Variants in GALNT17 observed in about 807,000 individuals in gnomAD.
GALNT17 encodes polypeptide N-acetylgalactosaminyltransferase 17, also known as UDP-GalNAc:polypeptide N-acetylgalactosaminyltransferase-like 3.
In GALNT17, 29 loss-of-function variants were observed where a neutral mutation model predicts 63.7. The ratio of observed to expected loss-of-function variants is 0.46; its 90% CI spans 0.34 to 0.62. The LOEUF is 0.62. Ranked by LOEUF, GALNT17 falls within the 20% of genes least tolerant of loss-of-function variation. The pLI is 0.01. For synonymous variants in GALNT17, 305 were observed against 318.3 expected, an observed-to-expected ratio of 0.96 and a Z score of 0.45; for missense variants, 603 against 799.6, an observed-to-expected ratio of 0.75 and a Z score of 2.97.
chr7:71,299,759 T>TA (rs1444966764), intron 1 of GALNT17, among the ~76,000 whole-genome samples: 1 of 151,986 alleles, frequency 6.6e-6, no homozygotes, highest in Non-Finnish European at 1.5e-5. Flanking sequence ...TGTTTCTTTT[T>TA]ATTATTACAA....
intron 6 of GALNT17, among the ~76,000 whole-genome samples, chr7:71,584,124 T>G (rs1319552213): frequency 6.6e-6 from 1 of 152,162 alleles, no homozygotes; most frequent in Non-Finnish European, 1.5e-5. Context: ...AGAGCCAGAC[T>G]GGGTCTCAAA....
At chr7:71,445,344 A>G (rs771391310) in intron 5 of GALNT17, among the ~76,000 whole-genome samples, 2 of 150,928 alleles carry the variant, frequency 1.3e-5, no homozygotes, top group Non-Finnish European at 3.0e-5. Context: ...ACGCCCGGCT[A>G]ATTTTTGTAT....
intron 3 of GALNT17, among the ~76,000 whole-genome samples, chr7:71,402,389 T>C (rs998923084): frequency 2.0e-5 from 3 of 152,254 alleles, no homozygotes; most frequent in Admixed American, 2.0e-4. Context: ...AGCCCACAGC[T>C]AAATTACAGT....
chr7:71,531,229 A>C (rs1237945445), intron 5 of GALNT17, among the ~76,000 whole-genome samples: 1 of 152,176 alleles, frequency 6.6e-6, no homozygotes, highest in Non-Finnish European at 1.5e-5. Flanking sequence ...TCCATTATGC[A>C]TCAATTAAAA....
At chr7:71,467,335 T>G (rs1787553192) in intron 5 of GALNT17, among the ~76,000 whole-genome samples, 1 of 152,178 alleles carries the variant, frequency 6.6e-6, no homozygotes, top group South Asian at 2.1e-4. Flanking sequence ...TACCATGTTA[T>G]AGATCAATAG....
chr7:71,573,363 C>T (rs1789483847), intron 6 of GALNT17, among the ~76,000 whole-genome samples: 2 of 151,524 alleles, frequency 1.3e-5, no homozygotes, highest in African/African-American at 4.9e-5. Context: ...AGTAGTCTTG[C>T]TCTGTCGCCC....
intron 6 of GALNT17, among the ~76,000 whole-genome samples, chr7:71,579,752 G>C (rs965906038): frequency 6.6e-5 from 10 of 152,306 alleles, no homozygotes; most frequent in African/African-American, 2.4e-4. Context: ...CAACCATCAA[G>C]GTGGGGCCCA....
At chr7:71,549,016 G>A (rs1789031363) in intron 5 of GALNT17, among the ~76,000 whole-genome samples, 1 of 152,158 alleles carries the variant, frequency 6.6e-6, no homozygotes, top group Non-Finnish European at 1.5e-5. Context: ...GGGGGTTATG[G>A]ATAGGAATGC....
chr7:71,133,572 T>C (rs930713869), intron 1 of GALNT17, among the ~76,000 whole-genome samples: 3 of 152,090 alleles, frequency 2.0e-5, no homozygotes, highest in African/African-American at 7.2e-5. Flanking sequence ...GCTGCTCAGC[T>C]AAGAATGAGG....
intron 9 of GALNT17, among the ~76,000 whole-genome samples, chr7:71,679,823 G>A (rs994982731): frequency 3.3e-5 from 5 of 151,940 alleles, no homozygotes; most frequent in Non-Finnish European, 7.4e-5. Flanking sequence ...GAGTTTTTGG[G>A]TCAGATCTCC....
chr7:71,284,411 G>C (rs1790834946), intron 1 of GALNT17: 1 of 152,296 alleles, frequency 6.6e-6, no homozygotes. Context: ...GGCCAGGCTG[G>C]TCTTGAACTC....
chr7:71,307,069 C>T (rs1403767321), intron 1 of GALNT17, among the ~76,000 whole-genome samples: 1 of 152,092 alleles, frequency 6.6e-6, no homozygotes, highest in African/African-American at 2.4e-5. Flanking sequence ...AGTGATCTGC[C>T]CACCTTGGCC....
chr7:71,230,328 G>A (rs555538598), intron 1 of GALNT17, among the ~76,000 whole-genome samples: 4 of 152,202 alleles, frequency 2.6e-5, no homozygotes, highest in Non-Finnish European at 4.4e-5. Context: ...GGAAGGAGCT[G>A]CCATTGCATG....
chr7:71,504,605 G>A (rs1788235846), intron 5 of GALNT17, among the ~76,000 whole-genome samples: 1 of 151,864 alleles, frequency 6.6e-6, no homozygotes, highest in Non-Finnish European at 1.5e-5. Flanking sequence ...TTTTTACCTA[G>A]TTTACTTATT....
intron 10 of GALNT17, 57 bp downstream of exon 10, chr7:71,710,985 A>C: frequency 6.3e-7 from 1 of 1,577,584 alleles, no homozygotes. Context: ...GCTGCAGACC[A>C]CAGAGGGGAA....
At chr7:71,637,054 T>C (rs985193194) in intron 6 of GALNT17, among the ~76,000 whole-genome samples, 3 of 152,188 alleles carry the variant, frequency 2.0e-5, no homozygotes, top group African/African-American at 4.8e-5. Context: ...ATCTGTAAAA[T>C]GGGCAGCACA....
At chr7:71,515,708 C>A (rs940797461) in intron 5 of GALNT17, among the ~76,000 whole-genome samples, 4 of 152,076 alleles carry the variant, frequency 2.6e-5, no homozygotes, top group African/African-American at 9.7e-5. Context: ...TTAGTACTTG[C>A]TTATGTAAAC....
intron 6 of GALNT17, among the ~76,000 whole-genome samples, chr7:71,620,770 A>T (rs1161914503): frequency 6.6e-6 from 1 of 152,232 alleles, no homozygotes; most frequent in African/African-American, 2.4e-5. Context: ...AATAATTGTC[A>T]GAAGCATAAA....
intron 6 of GALNT17, among the ~76,000 whole-genome samples, chr7:71,628,728 C>T (rs1414341998): frequency 2.6e-5 from 4 of 151,766 alleles, no homozygotes; most frequent in South Asian, 4.2e-4. Context: ...GTCAGGAGTT[C>T]GAGACCAGCC....
Sources: gnomAD v4.1 joint callset for allele counts (sites outside exome capture counted in the v4.1 genomes callset) on GRCh38, gnomAD v4.1.1 for gene constraint, MANE v1.5 for transcripts, NCBI Gene and HGNC (gene_info 2026-07-23, HGNC 2026-07-21) for gene names.